CDKAL1: variants seen among roughly 807,000 people sequenced by gnomAD.
CDKAL1 encodes threonylcarbamoyladenosine tRNA methylthiotransferase.
CDKAL1 carries 32 observed loss-of-function variants against 68.2 expected under a neutral mutation model. The ratio of observed to expected loss-of-function variants is 0.47; its 90% CI spans 0.35 to 0.63. CDKAL1 has a LOEUF of 0.63. CDKAL1 is among the 30% of genes least tolerant of loss of function. CDKAL1 has a pLI of 0.00. For synonymous variants in CDKAL1, 234 were observed against 244.3 expected (o/e 0.96, Z 0.39); for missense variants, 606 against 696.7 (o/e 0.87, Z 1.47).
At chr6:20,597,302 G>A (rs2127707960) in intron 4 of CDKAL1, among the ~76,000 whole-genome samples, 1 of 151,802 alleles carries the variant, frequency 6.6e-6, no homozygotes, top group Non-Finnish European at 1.5e-5. Flanking sequence ...CTAATTTTTT[G>A]TATTTTTGGT....
At chr6:20,726,027 T>TC (rs1236021395) in intron 5 of CDKAL1, among the ~76,000 whole-genome samples, 10 of 152,222 alleles carry the variant, frequency 6.6e-5, no homozygotes, top group African/African-American at 2.4e-4. Flanking sequence ...CGTTTTTTTT[T>TC]CTTCCATATC....
intron 4 of CDKAL1, among the ~76,000 whole-genome samples, chr6:20,608,616 G>A (rs1374863947): frequency 1.3e-5 from 2 of 152,164 alleles, no homozygotes; most frequent in African/African-American, 4.8e-5. Flanking sequence ...TTATTTTTGA[G>A]TTTGTGAGCA....
intron 15 of CDKAL1, among the ~76,000 whole-genome samples, chr6:21,212,213 G>T (rs1294486814): frequency 6.6e-6 from 1 of 152,148 alleles, no homozygotes; most frequent in African/African-American, 2.4e-5. Context: ...AATGAACTTG[G>T]CTCTCGGCGA....
chr6:20,731,118 G>C (rs1361934819), intron 5 of CDKAL1, among the ~76,000 whole-genome samples: 4 of 152,166 alleles, frequency 2.6e-5, no homozygotes, highest in Non-Finnish European at 5.9e-5. Context: ...GAAAGAGTAG[G>C]AGAAGATAAG....
chr6:21,228,011 C>T (rs943802423), intron 15 of CDKAL1, among the ~76,000 whole-genome samples: 2 of 152,158 alleles, frequency 1.3e-5, no homozygotes, highest in Non-Finnish European at 2.9e-5. Context: ...TTTTAAGACT[C>T]ACCTAGTCCT....
intron 4 of CDKAL1, among the ~76,000 whole-genome samples, chr6:20,617,866 C>T (rs893366569): frequency 1.4e-4 from 22 of 152,010 alleles, no homozygotes; most frequent in South Asian, 2.1e-4. Context: ...TGAATAGTGC[C>T]GCAATAAACA....
intron 9 of CDKAL1, among the ~76,000 whole-genome samples, chr6:20,882,324 G>C (rs1310984664): frequency 1.3e-5 from 2 of 152,106 alleles, no homozygotes; most frequent in Non-Finnish European, 2.9e-5. Flanking sequence ...GCTTTGTCCT[G>C]TCACATTTTT....
At chr6:21,204,224 A>G (rs1778807824) in intron 15 of CDKAL1, among the ~76,000 whole-genome samples, 1 of 152,176 alleles carries the variant, frequency 6.6e-6, no homozygotes, top group Admixed American at 6.5e-5. Flanking sequence ...TGGAAATTTT[A>G]TGAACATTTT....
At chr6:20,935,984 G>A (rs1327316242) in intron 9 of CDKAL1, among the ~76,000 whole-genome samples, 1 of 152,050 alleles carries the variant, frequency 6.6e-6, no homozygotes, top group South Asian at 2.1e-4. Context: ...TCACACTGCT[G>A]CACCTTGTCC....
intron 9 of CDKAL1, among the ~76,000 whole-genome samples, chr6:20,848,283 T>TTTTTGGTTTTTTTG (rs1554130309): frequency 7.5e-6 from 1 of 132,660 alleles, no homozygotes; most frequent in Non-Finnish European, 1.6e-5. Context: ...AAAGTTGTTT[T>TTTTTGGTTTTTTTG]TTTTTTTTTT....
intron 15 of CDKAL1, among the ~76,000 whole-genome samples, chr6:21,203,751 G>A (rs748060661): frequency 1.4e-5 from 2 of 143,990 alleles, no homozygotes; most frequent in Non-Finnish European, 3.0e-5. Context: ...GCCCAGGCTG[G>A]AGTGCAATAG....
At chr6:20,806,347 C>T (rs1004719496) in intron 8 of CDKAL1, among the ~76,000 whole-genome samples, 5 of 152,140 alleles carry the variant, frequency 3.3e-5, no homozygotes, top group Non-Finnish European at 5.9e-5. Flanking sequence ...TTGTAGTATT[C>T]CACATACCAC....
At chr6:20,666,690 T>C (rs1581924521) in intron 5 of CDKAL1, among the ~76,000 whole-genome samples, 2 of 22,276 alleles carry the variant, frequency 9.0e-5, no homozygotes, top group Non-Finnish European at 2.1e-4. Context: ...AAAGAATCCT[T>C]TTTTTTTTTT....
chr6:20,596,864 A>T (rs1048416343), intron 4 of CDKAL1, among the ~76,000 whole-genome samples: 2 of 152,220 alleles, frequency 1.3e-5, no homozygotes, highest in Non-Finnish European at 2.9e-5. Flanking sequence ...CTCTAGGCAC[A>T]GTCCCTCACG....
At position 21,164,299 on chromosome 6, in the gene CDKAL1, T is replaced by A. The variant is rs577549413; in HGVS notation, c.1300-33722T>A. 3.5e-4 allele frequency among the ~76,000 whole-genome samples: 54 copies of A among 152,126 alleles called. 2 individuals carry two copies. The highest frequency in any genetic ancestry group is 7.7e-4 in the African/African-American group (32 of 41,386). ...AACCTTATAAACAAGCTGGGTTTTT[T>A]AAAAAATTTCCACTCATTTTACTAG... On this transcript the variant is annotated intron_variant, in intron 13 of 15. Transcript: ENST00000274695.
chr6:20,643,841 T>A (rs1004151148), intron 4 of CDKAL1, among the ~76,000 whole-genome samples: 13 of 152,230 alleles, frequency 8.5e-5, no homozygotes, highest in African/African-American at 2.9e-4. Context: ...CCTTCTTTTT[T>A]TGAGACAGAA....
At chr6:21,175,809 G>A (rs530370051) in intron 13 of CDKAL1, among the ~76,000 whole-genome samples, 1 of 152,296 alleles carries the variant, frequency 6.6e-6, no homozygotes, top group South Asian at 2.1e-4. Flanking sequence ...ATAAAGAAGG[G>A]ACCATTTTAA....
intron 4 of CDKAL1, among the ~76,000 whole-genome samples, chr6:20,570,670 G>A (rs1002287529): frequency 6.6e-6 from 1 of 152,184 alleles, no homozygotes; most frequent in Non-Finnish European, 1.5e-5. Flanking sequence ...CAAAGTGCTG[G>A]GATTACAGGT....
At chr6:21,137,022 C>T (rs1366794947) in intron 13 of CDKAL1, among the ~76,000 whole-genome samples, 3 of 152,052 alleles carry the variant, frequency 2.0e-5, no homozygotes, top group Admixed American at 6.6e-5. Flanking sequence ...GCCATCCCCT[C>T]GCCCCCACCC....
Sources: gnomAD v4.1 joint callset for allele counts (sites outside exome capture counted in the v4.1 genomes callset) on GRCh38, gnomAD v4.1.1 for gene constraint, MANE v1.5 for transcripts, NCBI Gene and HGNC (gene_info 2026-07-23, HGNC 2026-07-21) for gene names.